Variants in PCDHA4 observed in about 807,000 individuals in gnomAD.
PCDHA4 encodes protocadherin alpha-4.
Under a neutral mutation model 61.4 loss-of-function variants are expected in PCDHA4, and 49 were observed. The observed-to-expected ratio is 0.80, with a 90% confidence interval of 0.63 to 1.01. The LOEUF (loss-of-function observed/expected upper bound fraction) is 1.01, where lower values mean the gene tolerates loss of function less well. PCDHA4 is among the 50% of genes least tolerant of loss of function. The pLI is 0.00. For synonymous variants in PCDHA4, 590 were observed against 550.3 expected (o/e 1.07, Z -1.01); for missense variants, 1,254 against 1,235.8 (o/e 1.01, Z -0.22).
chr5:140,895,867 A>C (rs1212053221), intron 1 of PCDHA4, among the ~76,000 whole-genome samples: 1 of 152,154 alleles, frequency 6.6e-6, no homozygotes, highest in Non-Finnish European at 1.5e-5. Context: ...GCTGGAGTGC[A>C]ATGGCGCGAT....
chr5:140,882,375 C>T (rs879994353), intron 1 of PCDHA4: 1 of 1,614,212 alleles, frequency 6.2e-7, no homozygotes, highest in Non-Finnish European at 8.5e-7. Context: ...TACTCCGTCC[C>T]CGAGGAAGCA....
chr5:141,004,014 A>T (rs1294633411), intron 3 of PCDHA4, among the ~76,000 whole-genome samples: 40 of 152,222 alleles, frequency 2.6e-4, no homozygotes, highest in African/African-American at 9.4e-4. Context: ...GGCAGCACTG[A>T]AAGAAGAAAC....
At chr5:140,990,862 AT>A (rs2097420167) in intron 3 of PCDHA4, among the ~76,000 whole-genome samples, 1 of 152,198 alleles carries the variant, frequency 6.6e-6, no homozygotes, top group Non-Finnish European at 1.5e-5. Flanking sequence ...AGGACATTGT[AT>A]TTTAAGTGTA....
intron 1 of PCDHA4, among the ~76,000 whole-genome samples, chr5:140,945,772 T>A (rs538344111): frequency 1.2e-4 from 18 of 152,228 alleles, no homozygotes; most frequent in African/African-American, 4.1e-4. Context: ...GACAATTTGA[T>A]ATCCAGATGC....
At chr5:140,885,985 G>A (rs879977606) in intron 1 of PCDHA4, among the ~76,000 whole-genome samples, 3 of 152,110 alleles carry the variant, frequency 2.0e-5, no homozygotes, top group Admixed American at 2.0e-4. Context: ...AGATTCGCAT[G>A]TGGTTGAAAG....
intron 2 of PCDHA4, 71 bp downstream of exon 2, chr5:140,979,078 A>C (rs2240296): frequency 3.8e-6 from 6 of 1,583,342 alleles, no homozygotes; most frequent in South Asian, 1.1e-5. Flanking sequence ...CTGCATCTCC[A>C]TAGGCCAGAA....
intron 1 of PCDHA4, chr5:140,871,331 C>A (rs1414219251): frequency 6.2e-7 from 1 of 1,614,102 alleles, no homozygotes; most frequent in Non-Finnish European, 8.5e-7. Flanking sequence ...TGCTCCCGCG[C>A]GGTGGGGAGC....
rs2150401369 is a variant in PCDHA4, at chr5:140,847,510, G to A, written c.2385+37938G>A. On this transcript the variant is annotated intron_variant, in intron 1 of 3. Transcript: ENST00000530339. The stretch of plus-strand genomic sequence containing the variant: ...GTAAAACTCACAACAAAACTTTGTA[G>A]AACTTAGTCAGGAAAAGAATCTCAA... The A allele has an allele frequency of 4.2e-4, 63 of 149,756 alleles. 2 individuals carry two copies. Among genetic ancestry groups the A allele is most frequent in the African/African-American group, 1.5e-3 (63 of 41,018 alleles). The allele number at this position is 149,756 out of a possible 1,614,324, so 9.3% of individuals were successfully genotyped here.
intron 1 of PCDHA4, among the ~76,000 whole-genome samples, chr5:140,973,515 T>G (rs1008643152): frequency 1.4e-4 from 21 of 152,232 alleles, no homozygotes; most frequent in African/African-American, 4.8e-4. Flanking sequence ...AAAAGTTTAT[T>G]TTCTTTGGTC....
At chr5:140,977,513 A>G (rs1378316611) in intron 1 of PCDHA4, among the ~76,000 whole-genome samples, 2 of 152,236 alleles carry the variant, frequency 1.3e-5, no homozygotes, top group African/African-American at 4.8e-5. Context: ...GCATTTTGTG[A>G]ACTTGAAAAC....
intron 1 of PCDHA4, among the ~76,000 whole-genome samples, chr5:140,961,765 T>C (rs2095634679): frequency 6.6e-6 from 1 of 152,244 alleles, no homozygotes; most frequent in African/African-American, 2.4e-5. Flanking sequence ...AAGGAATTTA[T>C]ATCAAGCTTA....
In PCDHA4 at chr5:140,850,223, AGT is replaced by A. The variant is rs2041441871; in HGVS notation, c.2385+40653_2385+40654del. The A allele has an allele frequency of 1.0e-5, 16 of 1,593,640 alleles. 2 individuals carry two copies. Among genetic ancestry groups the A allele is most frequent in the Non-Finnish European group, 1.2e-5 (14 of 1,167,580 alleles). ...CTCGGATGAGGGGCACTGACGGCGC[AGT>A]GAGCGAGATGGTGCTGCGGTCGGTG... On this transcript the variant is annotated intron_variant, in intron 1 of 3. Transcript: ENST00000530339.
At chr5:140,863,405 C>T (rs1554158176) in intron 1 of PCDHA4, 11 of 799,522 alleles carry the variant, frequency 1.4e-5, no homozygotes, top group Non-Finnish European at 2.3e-5. Context: ...GGCAAGCCCA[C>T]GCTGGTGTAC....
chr5:140,807,830 A>T lies in PCDHA4; in HGVS notation c.643A>T (p.Thr215Ser), dbSNP rs1554124299. 1 of 1,614,204 alleles carries T rather than the reference A, an allele frequency of 6.2e-7. No homozygotes were observed. Among genetic ancestry groups the T allele is most frequent in the Non-Finnish European group, 8.5e-7 (1 of 1,180,036 alleles). Residue 215 changes from threonine to serine, a missense_variant, in exon 1 of 4, where the codon ACT (threonine) becomes TCT (serine). Coordinates refer to ENST00000530339, the MANE Select transcript of PCDHA4 (RefSeq NM_018907.4). ...APEIFLVLTA[T>S]DGGKPELTGT... ...GGAGATTTTTTTAGTGCTCACAGCCACTGATGGAGGCAAACCCGAGTTGAC... is the reference window on the plus strand; with the variant it reads ...GGAGATTTTTTTAGTGCTCACAGCCTCTGATGGAGGCAAACCCGAGTTGAC...
In PCDHA4 at chr5:140,807,895, T is replaced by A. The variant is rs141163311; in HGVS notation, c.708T>A (p.Asn236Lys). 9.3e-6 allele frequency: 15 copies of A among 1,613,994 alleles called. No homozygotes were observed. Among genetic ancestry groups the A allele is most frequent in the African/African-American group, 4.0e-5 (3 of 74,926 alleles). ...TACTCATCACAGTACTGGATGCCAA[T>A]GACAATGCCCCAGCTTTTGACAGAA... ...VQLLITVLDA[N>K]DNAPAFDRTI... Residue 236 changes from asparagine (N) to lysine (K), a missense_variant, in exon 1 of 4, where the codon AAT (asparagine) becomes AAA (lysine). Physicochemically the swap from Asn to Lys is moderately conservative, Grantham distance 94 (BLOSUM62 0). Coordinates refer to ENST00000530339, the MANE Select transcript of PCDHA4 (RefSeq NM_018907.4).
chr5:140,841,134 G>T, intron 1 of PCDHA4: 1 of 689,850 alleles, frequency 1.4e-6, no homozygotes. Flanking sequence ...ACCTTTTGAA[G>T]CCACATGATG....
intron 1 of PCDHA4, chr5:140,863,153 A>T (rs1554157836): frequency 1.6e-6 from 1 of 625,716 alleles, no homozygotes; most frequent in South Asian, 1.4e-5. Flanking sequence ...GTGAAGGACC[A>T]CTGCGAGCTG....
intron 3 of PCDHA4, among the ~76,000 whole-genome samples, chr5:140,985,879 A>G (rs539308826): frequency 6.6e-6 from 1 of 151,504 alleles, no homozygotes; most frequent in Non-Finnish European, 1.5e-5. Context: ...AGCTGGGACT[A>G]CAGGCGCCCG....
Position 140,828,920 on chromosome 5 carries a change from A to G in PCDHA4, c.2385+19348A>G, listed in dbSNP as rs2150160817. 8.3e-5 allele frequency: 134 copies of G among 1,614,098 alleles called. No homozygotes were observed. Among genetic ancestry groups the G allele is most frequent in the Non-Finnish European group, 1.1e-4 (127 of 1,180,054 alleles). ...TCGGGATGAAGGAGCGAATGGGGCA[A>G]TTTCATATTCTTTTAATAGCCTTGT... On this transcript the variant is annotated intron_variant, in intron 1 of 3. Transcript: ENST00000530339.
Sources: allele counts gnomAD v4.1 joint callset (sites outside exome capture counted in the v4.1 genomes callset), GRCh38; gene constraint gnomAD v4.1.1; transcripts MANE v1.5; gene names NCBI Gene and HGNC (gene_info 2026-07-23, HGNC 2026-07-21).